The following DNAI2 variants were observed in gnomAD, a reference collection of about 807,000 sequenced individuals.
DNAI2 encodes dynein, axonemal, intermediate polypeptide 2.
DNAI2 carries 63 observed loss-of-function variants against 74.7 expected under a neutral mutation model. The observed-to-expected ratio is 0.84, with a 90% CI of 0.69 to 1.04. DNAI2 has a LOEUF of 1.04. DNAI2 is among the 50% of genes least tolerant of loss of function. The pLI is 0.00. For synonymous variants in DNAI2, 289 were observed against 314.9 expected (o/e 0.92, Z 0.87); for missense variants, 688 against 803.2 (o/e 0.86, Z 1.73).
chr17:74,284,257 C>T (rs1252109057), intron 2 of DNAI2, among the ~76,000 whole-genome samples: 1 of 150,238 alleles, frequency 6.7e-6, no homozygotes, highest in African/African-American at 2.5e-5. Flanking sequence ...AAAGTGGCGA[C>T]ACCCACGTGT....
intron 8 of DNAI2, among the ~76,000 whole-genome samples, chr17:74,302,614 T>C (rs905870141): frequency 6.6e-6 from 1 of 151,874 alleles, no homozygotes; most frequent in African/African-American, 2.4e-5. Context: ...AGTTTGAGCA[T>C]AGTGCAAATG....
Position 74,305,670 on chromosome 17 carries a change from CTT to C in DNAI2, c.1211+249_1211+250del, listed in dbSNP as rs4007906. Reference sequence around the variant, plus strand: ...AATGGCCATGGCTTAATTTTATTTCCTTTTTTTTTTTTTTTTTTTTTTGAGAC... The same window carrying C: ...AATGGCCATGGCTTAATTTTATTTCCTTTTTTTTTTTTTTTTTTTTGAGAC... On this transcript the variant is annotated intron_variant, in intron 9 of 13. Coordinates refer to ENST00000311014, the MANE Select transcript of DNAI2 (RefSeq NM_023036.6). Among the ~76,000 whole-genome samples, 2,355 of 122,108 alleles carry C rather than the reference CTT, an allele frequency of 0.019. 33 individuals are homozygous for C. Among genetic ancestry groups the C allele is most frequent in the African/African-American group, 0.077 (2,199 of 28,744 alleles). The allele number at this position is 122,108 out of a possible 152,430, so 80.1% of individuals were successfully genotyped here. A position where few individuals can be genotyped will look rare whatever the true frequency, so the allele number is the denominator to read the frequency against.
At chr17:74,298,187 C>A (rs555606259) in intron 6 of DNAI2, among the ~76,000 whole-genome samples, 160 of 152,384 alleles carry the variant, frequency 1.0e-3, no homozygotes, top group African/African-American at 3.0e-3. Flanking sequence ...AGCCCAGACT[C>A]TGGTGCTCCG....
chr17:74,313,739 G>C, intron 12 of DNAI2: 1 of 279,088 alleles, frequency 3.6e-6, no homozygotes, highest in Non-Finnish European at 7.2e-6. Context: ...AAAGTACCGC[G>C]TGGTACTGAA....
rs1468223465 is a variant in DNAI2 at position 74,286,847 on chromosome 17, G to T, written c.346-130G>T. 3 of 1,221,334 alleles carry T rather than the reference G, an allele frequency of 2.5e-6. No individual in the cohort carries two copies. In the Admixed American group the frequency reaches 5.3e-5, roughly 21 times the overall value. The allele number at this position is 1,221,334 out of a possible 1,614,324, so 75.7% of individuals were successfully genotyped here. A position where few individuals can be genotyped will look rare whatever the true frequency, so the allele number is the denominator to read the frequency against. The stretch of plus-strand genomic sequence containing the variant: ...GGAACCAATTGAAAATTCCTCCATT[G>T]AAAGCACATGGTTAGGTGGATGGGA... On this transcript the variant is annotated intron_variant, in intron 3 of 13. Coordinates refer to ENST00000311014, the MANE Select transcript of DNAI2 (RefSeq NM_023036.6).
At position 74,314,107 on chromosome 17, in the gene DNAI2, G is replaced by GCAGC. The variant is rs757939152; in HGVS notation, c.1723-14_1723-13insCAGC. On this transcript the variant is annotated splice_polypyrimidine_tract_variant and intron_variant, in intron 12 of 13. Coordinates refer to ENST00000311014, the MANE Select transcript of DNAI2 (RefSeq NM_023036.6). ...CTACCAACACCAACACTTCTGTGCT[G>GCAGC]TCTTCCCCTGCAGCAGCAACCAAGT... 2 of 1,613,546 alleles carry GCAGC rather than the reference G, an allele frequency of 1.2e-6. No individual in the cohort carries two copies. Among genetic ancestry groups the GCAGC allele is most frequent in the African/African-American group, 2.7e-5 (2 of 74,906 alleles).
At position 74,301,119 on chromosome 17, in the gene DNAI2, A is replaced by G. The variant is rs1358404092; in HGVS notation, c.938A>G (p.Gln313Arg). 1.2e-6 allele frequency: 2 copies of G among 1,614,120 alleles called. No homozygotes were observed. Among genetic ancestry groups the G allele is most frequent in the South Asian group, 2.2e-5 (2 of 91,076 alleles). Residue 313 changes from glutamine to arginine, a missense_variant, in exon 8 of 14, where the codon CAG (glutamine) becomes CGG (arginine). Transcript: ENST00000311014. ...VVILDITKKE[Q>R]LENALGAISL... The stretch of plus-strand genomic sequence containing the variant: ...ATCTTGGACATCACCAAGAAGGAAC[A>G]GTTGGAAAATGCCTTGGGGGCCATC...
chr17:74,289,545 T>C (rs768650926), intron 4 of DNAI2, 49 bp from the exon 5 acceptor site: 3 of 1,590,894 alleles, frequency 1.9e-6, no homozygotes, highest in South Asian at 1.1e-5. Context: ...GGGGGAGAAA[T>C]TGGGGAACCT....
intron 2 of DNAI2, among the ~76,000 whole-genome samples, chr17:74,283,003 C>G (rs1046299926): frequency 6.6e-6 from 1 of 152,212 alleles, no homozygotes; most frequent in African/African-American, 2.4e-5. Context: ...GTGGGCCACA[C>G]CCTGGGGGCC....
chr17:74,285,290 C>A (rs116307129), intron 3 of DNAI2, 89 bp downstream of exon 3: 1 of 1,494,876 alleles, frequency 6.7e-7, no homozygotes, highest in East Asian at 2.4e-5. Flanking sequence ...GCCTGGCCAT[C>A]GCTGTGAGGC....
intron 2 of DNAI2, among the ~76,000 whole-genome samples, chr17:74,284,050 C>T (rs1021810879): frequency 6.6e-6 from 1 of 151,328 alleles, no homozygotes; most frequent in Non-Finnish European, 1.5e-5. Flanking sequence ...AAGCAGGAGA[C>T]TCACTTGAAT....
intron 6 of DNAI2, among the ~76,000 whole-genome samples, chr17:74,292,833 C>T (rs2052196752): frequency 7.6e-6 from 1 of 132,396 alleles, no homozygotes; most frequent in Non-Finnish European, 1.8e-5. Flanking sequence ...GTGTAGTTTT[C>T]CTTTTTTTTT....
chr17:74,305,533 A>C, intron 9 of DNAI2, 91 bp downstream of exon 9: 11 of 1,209,866 alleles, frequency 9.1e-6, no homozygotes, highest in East Asian at 2.5e-5. Context: ...CCGAGCCTCC[A>C]TATGTAAAAT....
At chr17:74,304,168 T>C (rs558551038) in intron 8 of DNAI2, among the ~76,000 whole-genome samples, 9 of 148,920 alleles carry the variant, frequency 6.0e-5, no homozygotes, top group Non-Finnish European at 1.2e-4. Flanking sequence ...TTTCTTTTCT[T>C]TTTTCTTTTT....
intron 6 of DNAI2, among the ~76,000 whole-genome samples, chr17:74,296,578 C>T (rs2052460424): frequency 6.6e-6 from 1 of 152,142 alleles, no homozygotes; most frequent in Non-Finnish European, 1.5e-5. Flanking sequence ...TATCCACTGC[C>T]TCAGGAAGCT....
intron 1 of DNAI2, among the ~76,000 whole-genome samples, chr17:74,279,122 G>A (rs550716863): frequency 8.1e-4 from 123 of 151,828 alleles, no homozygotes; most frequent in South Asian, 3.1e-3. Flanking sequence ...AGCTGAGATC[G>A]TGCCACTGCA....
Position 74,309,247 on chromosome 17 carries a change from C to T in DNAI2, c.1212-6C>T, listed in dbSNP as rs751745489. 3.8e-5 allele frequency: 61 copies of T among 1,613,868 alleles called. No individual in the cohort carries two copies. The highest frequency in any genetic ancestry group is 4.2e-5 in the Non-Finnish European group (50 of 1,179,988). On this transcript the variant is annotated splice_region_variant and splice_polypyrimidine_tract_variant and intron_variant, in intron 9 of 13. Transcript: ENST00000311014. Reference sequence around the variant, plus strand: ...CTCCAACCATGATGTGGTCTACCTCCCACAGGTACCACATGGCTTACCTCA... The same window carrying T: ...CTCCAACCATGATGTGGTCTACCTCTCACAGGTACCACATGGCTTACCTCA...
rs142653126 is a variant in DNAI2 at position 74,307,404 on chromosome 17, A to T, written c.1212-1849A>T. The T allele has an allele frequency of 6.9e-6, 3 of 432,838 alleles. No homozygotes were observed. The East Asian group carries it at 2.1e-4, about 31-fold the overall frequency. The allele number at this position is 432,838 out of a possible 1,614,324, so 26.8% of individuals were successfully genotyped here. On this transcript the variant is annotated intron_variant, in intron 9 of 13. Coordinates refer to ENST00000311014, the MANE Select transcript of DNAI2 (RefSeq NM_023036.6). Reference sequence around the variant, plus strand: ...ACCCTGGGCCAGGTGCAGTGGGCTAATGCCTGTAATCCCAGCACTTTGGGA... The same window carrying T: ...ACCCTGGGCCAGGTGCAGTGGGCTATTGCCTGTAATCCCAGCACTTTGGGA...
chr17:74,281,552 C>T (rs368452360), intron 1 of DNAI2: 7 of 587,046 alleles, frequency 1.2e-5, no homozygotes, highest in Non-Finnish European at 6.0e-6. Context: ...GCTACCGCGC[C>T]TGGCCAAAAT....
Sources: gnomAD v4.1 joint callset for allele counts (sites outside exome capture counted in the v4.1 genomes callset) on GRCh38, gnomAD v4.1.1 for gene constraint, MANE v1.5 for transcripts, NCBI Gene and HGNC (gene_info 2026-07-23, HGNC 2026-07-21) for gene names.